Variants in GRID2 observed in about 807,000 individuals in gnomAD.
GRID2 encodes the protein glutamate receptor ionotropic, delta-2.
GRID2 carries 33 observed loss-of-function variants against 114.8 expected under a neutral mutation model. The observed-to-expected ratio is 0.29, with a 90% CI of 0.22 to 0.38. GRID2 has a LOEUF of 0.38. Ranked by LOEUF, GRID2 falls within the 10% of genes least tolerant of loss-of-function variation. GRID2 has a pLI of 1.00. For missense variants in GRID2, 1,184 were observed against 1,257.7 expected (o/e 0.94, Z 0.89); for synonymous variants, 505 against 449.9 (o/e 1.12, Z -1.55).
At chr4:92,459,701 A>C (rs1481142000) in intron 1 of GRID2, among the ~76,000 whole-genome samples, 1 of 151,978 alleles carries the variant, frequency 6.6e-6, no homozygotes, top group Non-Finnish European at 1.5e-5. Flanking sequence ...GGCTAATTTC[A>C]TGTATCAAGC....
intron 4 of GRID2, among the ~76,000 whole-genome samples, chr4:93,183,618 C>T (rs1251740697): frequency 1.3e-5 from 2 of 152,096 alleles, no homozygotes. Flanking sequence ...GGATACAAGG[C>T]AATGTAGGGC....
At chr4:92,699,269 G>A (rs1734558733) in intron 2 of GRID2, among the ~76,000 whole-genome samples, 1 of 152,134 alleles carries the variant, frequency 6.6e-6, no homozygotes, top group South Asian at 2.1e-4. Context: ...TTCTCACTGG[G>A]AAAGGAAATA....
chr4:93,412,239 C>G (rs909440896), intron 9 of GRID2, among the ~76,000 whole-genome samples: 25 of 149,004 alleles, frequency 1.7e-4, no homozygotes, highest in African/African-American at 3.2e-4. Flanking sequence ...TCCCCCCCCC[C>G]CAAAAAAAAA....
intron 14 of GRID2, among the ~76,000 whole-genome samples, chr4:93,701,838 AT>A (rs921035701): frequency 2.0e-5 from 3 of 151,990 alleles, no homozygotes; most frequent in Admixed American, 6.6e-5. Flanking sequence ...ATACATATAT[AT>A]TTTTTAACAT....
At chr4:93,275,072 T>TC (rs1751901695) in intron 8 of GRID2, among the ~76,000 whole-genome samples, 1 of 151,834 alleles carries the variant, frequency 6.6e-6, no homozygotes. Context: ...ACCCCCGACT[T>TC]CCCCCTTTTC....
At chr4:92,407,018 A>G (rs566021116) in intron 1 of GRID2, among the ~76,000 whole-genome samples, 1 of 152,212 alleles carries the variant, frequency 6.6e-6, no homozygotes, top group South Asian at 2.1e-4. Context: ...AGGCCACCAG[A>G]AACTTGCAAT....
chr4:92,980,834 G>T (rs963701394), intron 2 of GRID2, among the ~76,000 whole-genome samples: 1 of 151,898 alleles, frequency 6.6e-6, no homozygotes, highest in Non-Finnish European at 1.5e-5. Flanking sequence ...GAATAATATG[G>T]GTTTGAAAAT....
chr4:92,395,238 T>C (rs1730435309), intron 1 of GRID2, among the ~76,000 whole-genome samples: 1 of 151,678 alleles, frequency 6.6e-6, no homozygotes, highest in African/African-American at 2.4e-5. Flanking sequence ...AAAATTATGA[T>C]TTTGGAGAAT....
At chr4:92,904,288 A>G (rs2149483768) in intron 2 of GRID2, among the ~76,000 whole-genome samples, 1 of 150,864 alleles carries the variant, frequency 6.6e-6, no homozygotes, top group South Asian at 2.1e-4. Flanking sequence ...TTTTTTACAC[A>G]TACATACCCA....
At chr4:92,593,185 C>T (rs1009311037) in intron 2 of GRID2, among the ~76,000 whole-genome samples, 17 of 151,950 alleles carry the variant, frequency 1.1e-4, no homozygotes, top group African/African-American at 4.1e-4. Context: ...ATTTGAAAGT[C>T]TCATCCTTGA....
intron 4 of GRID2, among the ~76,000 whole-genome samples, chr4:93,172,063 G>A (rs952745596): frequency 1.3e-5 from 2 of 152,068 alleles, no homozygotes; most frequent in Non-Finnish European, 2.9e-5. Context: ...GGGCAAATTG[G>A]GCCATGATAT....
intron 2 of GRID2, among the ~76,000 whole-genome samples, chr4:93,081,420 C>T (rs1241546785): frequency 6.6e-6 from 1 of 152,092 alleles, no homozygotes; most frequent in Non-Finnish European, 1.5e-5. Flanking sequence ...ATGAATATAT[C>T]TTAGCTTAAA....
intron 8 of GRID2, among the ~76,000 whole-genome samples, chr4:93,337,395 C>T (rs1482476229): frequency 6.6e-6 from 1 of 152,166 alleles, no homozygotes; most frequent in Non-Finnish European, 1.5e-5. Flanking sequence ...CAGGAGGTGA[C>T]ACAGAGGACC....
chr4:92,508,005 T>G (rs1203265278), intron 1 of GRID2, among the ~76,000 whole-genome samples: 1 of 152,000 alleles, frequency 6.6e-6, no homozygotes, highest in Non-Finnish European at 1.5e-5. Flanking sequence ...AAATTATTTC[T>G]GTCTTAGGCA....
chr4:92,625,320 A>G (rs1402316258), intron 2 of GRID2, among the ~76,000 whole-genome samples: 4 of 151,862 alleles, frequency 2.6e-5, no homozygotes, highest in East Asian at 1.9e-4. Flanking sequence ...TCTTAGAGCT[A>G]GAAGATCCTC....
intron 14 of GRID2, among the ~76,000 whole-genome samples, chr4:93,760,632 T>A (rs1212132066): frequency 6.6e-6 from 1 of 152,202 alleles, no homozygotes; most frequent in Non-Finnish European, 1.5e-5. Flanking sequence ...GGTCCAGTAC[T>A]AACACACTGT....
At chr4:92,606,640 C>T (rs1353081381) in intron 2 of GRID2, among the ~76,000 whole-genome samples, 1 of 151,950 alleles carries the variant, frequency 6.6e-6, no homozygotes, top group South Asian at 2.1e-4. Context: ...TACCACCTCA[C>T]TGCTACTAGC....
intron 8 of GRID2, among the ~76,000 whole-genome samples, chr4:93,354,162 G>A (rs750302749): frequency 2.0e-5 from 3 of 152,106 alleles, no homozygotes; most frequent in Admixed American, 6.6e-5. Context: ...TATTAAATAT[G>A]AGGATAACTT....
At chr4:93,150,347 C>T (rs1486068982) in intron 4 of GRID2, among the ~76,000 whole-genome samples, 1 of 152,136 alleles carries the variant, frequency 6.6e-6, no homozygotes, top group Non-Finnish European at 1.5e-5. Context: ...GGATTACAAA[C>T]ATTTCACACT....
Sources: gnomAD v4.1 joint callset for allele counts (sites outside exome capture counted in the v4.1 genomes callset) on GRCh38, gnomAD v4.1.1 for gene constraint, MANE v1.5 for transcripts, NCBI Gene and HGNC (gene_info 2026-07-23, HGNC 2026-07-21) for gene names.